Variants in SLC4A10 observed in about 807,000 individuals in gnomAD.
SLC4A10 encodes solute carrier family 4 member 10.
In SLC4A10, 42 loss-of-function variants were observed where a neutral mutation model predicts 137.7. That is an observed-to-expected ratio of 0.30 (90% CI 0.24 to 0.39). The LOEUF (loss-of-function observed/expected upper bound fraction) is 0.39. SLC4A10 is among the 10% of genes least tolerant of loss of function. The pLI is 1.00. For missense variants in SLC4A10, 925 were observed against 1,355.0 expected (o/e 0.68, Z 4.98); for synonymous variants, 474 against 464.1 (o/e 1.02, Z -0.27).
At chr2:161,684,382 C>T (rs1033213589) in intron 1 of SLC4A10, among the ~76,000 whole-genome samples, 2 of 152,008 alleles carry the variant, frequency 1.3e-5, no homozygotes, top group African/African-American at 4.8e-5. Context: ...TTTTCATATT[C>T]CCTTTTCTAG....
At chr2:161,949,928 T>C (rs922523221) in intron 18 of SLC4A10, among the ~76,000 whole-genome samples, 1 of 151,792 alleles carries the variant, frequency 6.6e-6, no homozygotes, top group East Asian at 1.9e-4. Context: ...GCTCAAAAGT[T>C]TCAGATTTTG....
chr2:161,893,138 G>A (rs1353490801), intron 10 of SLC4A10, among the ~76,000 whole-genome samples: 1 of 152,024 alleles, frequency 6.6e-6, no homozygotes, highest in African/African-American at 2.4e-5. Flanking sequence ...GTACACCCAA[G>A]TAGAATATAC....
intron 1 of SLC4A10, among the ~76,000 whole-genome samples, chr2:161,707,854 G>A (rs1248812663): frequency 6.6e-6 from 1 of 151,384 alleles, no homozygotes; most frequent in East Asian, 1.9e-4. Context: ...AAATTAAAAG[G>A]TGAATATGTA....
intron 2 of SLC4A10, among the ~76,000 whole-genome samples, chr2:161,781,399 T>G (rs1017997342): frequency 2.0e-5 from 3 of 152,146 alleles, no homozygotes; most frequent in East Asian, 3.9e-4. Context: ...AATATTCAAC[T>G]TGTGTGTACA....
intron 1 of SLC4A10, among the ~76,000 whole-genome samples, chr2:161,761,571 A>G (rs1176249287): frequency 6.6e-6 from 1 of 152,062 alleles, no homozygotes; most frequent in Non-Finnish European, 1.5e-5. Flanking sequence ...AGAATTAAAA[A>G]CAAGCAAACC....
chr2:161,667,698 T>C (rs2039220408), intron 1 of SLC4A10, among the ~76,000 whole-genome samples: 1 of 151,710 alleles, frequency 6.6e-6, no homozygotes, highest in Admixed American at 6.6e-5. Flanking sequence ...TATGTGTGTG[T>C]GTATACTGCC....
chr2:161,837,390 T>A (rs1225760842), intron 3 of SLC4A10, among the ~76,000 whole-genome samples: 1 of 152,082 alleles, frequency 6.6e-6, no homozygotes, highest in Non-Finnish European at 1.5e-5. Context: ...AGGTAGAAGA[T>A]CTGTGTTCTG....
intron 4 of SLC4A10, among the ~76,000 whole-genome samples, chr2:161,846,352 G>C (rs1320242041): frequency 6.6e-6 from 1 of 152,118 alleles, no homozygotes; most frequent in Non-Finnish European, 1.5e-5. Flanking sequence ...GAAAAAACTA[G>C]ATCTTTCATA....
intron 15 of SLC4A10, among the ~76,000 whole-genome samples, chr2:161,937,020 T>C (rs1039718656): frequency 6.6e-6 from 1 of 152,218 alleles, no homozygotes; most frequent in Non-Finnish European, 1.5e-5. Flanking sequence ...AAGTATTTGT[T>C]TTTGGCAAGT....
At chr2:161,680,098 G>C (rs533464290) in intron 1 of SLC4A10, among the ~76,000 whole-genome samples, 1 of 151,928 alleles carries the variant, frequency 6.6e-6, no homozygotes, top group African/African-American at 2.4e-5. Context: ...ATGAAGGTTC[G>C]CTTCATCTAG....
rs1574880678 is a variant in SLC4A10 at position 161,771,010 on chromosome 2, C to A, written c.86C>A (p.Thr29Asn). 1 of 1,606,202 alleles carries A rather than the reference C, an allele frequency of 6.2e-7. No homozygotes were observed. Among genetic ancestry groups the A allele is most frequent in the South Asian group, 1.1e-5 (1 of 89,698 alleles). Residue 29 changes from threonine (T) to asparagine (N), a missense_variant, in exon 2 of 27, where the codon ACT becomes AAT. Thr to Asn is a moderately conservative substitution (Grantham distance 65). Around this residue, in one of 11 missense-constraint regions of SLC4A10, gnomAD observed 138 missense variants for 171.3 expected, o/e 0.81. Coordinates refer to ENST00000446997, the MANE Select transcript of SLC4A10 (RefSeq NM_001178015.2). ...DEEAVVDRGG[T>N]RSILKTHFEK... ...GAAGCAGTTGTGGATAGAGGTGGAA[C>A]TCGTTCTATTCTCAAAACACACTTT...
intron 1 of SLC4A10, among the ~76,000 whole-genome samples, chr2:161,765,978 T>C (rs1227271009): frequency 6.6e-6 from 1 of 152,156 alleles, no homozygotes; most frequent in Non-Finnish European, 1.5e-5. Flanking sequence ...TCTTTCAAAC[T>C]GTAACAAAAG....
At chr2:161,886,668 A>T (rs2062323901) in intron 10 of SLC4A10, among the ~76,000 whole-genome samples, 1 of 151,854 alleles carries the variant, frequency 6.6e-6, no homozygotes, top group Admixed American at 6.6e-5. Context: ...AGTCTCTGAG[A>T]TTTTTTTTAA....
At chr2:161,950,310 A>C (rs541400331) in intron 18 of SLC4A10, among the ~76,000 whole-genome samples, 9 of 152,252 alleles carry the variant, frequency 5.9e-5, no homozygotes, top group African/African-American at 2.2e-4. Context: ...AATAGTAAAT[A>C]GTAAATATTA....
At chr2:161,930,547 T>C (rs567836005) in intron 15 of SLC4A10, among the ~76,000 whole-genome samples, 14 of 149,784 alleles carry the variant, frequency 9.3e-5, no homozygotes, top group South Asian at 6.3e-4. Flanking sequence ...TATATTAATT[T>C]ATATTATAAT....
intron 2 of SLC4A10, among the ~76,000 whole-genome samples, chr2:161,790,133 A>C (rs2054048171): frequency 6.6e-6 from 1 of 152,216 alleles, no homozygotes; most frequent in Non-Finnish European, 1.5e-5. Flanking sequence ...TAAAAAGTTG[A>C]GAATATTCTA....
intron 1 of SLC4A10, among the ~76,000 whole-genome samples, chr2:161,769,453 G>A (rs995527972): frequency 6.6e-6 from 1 of 151,916 alleles, no homozygotes; most frequent in African/African-American, 2.4e-5. Flanking sequence ...GCAGTGGGGG[G>A]TAAGCTAATG....
intron 2 of SLC4A10, among the ~76,000 whole-genome samples, chr2:161,797,613 C>A (rs950289683): frequency 1.3e-5 from 2 of 151,420 alleles, no homozygotes; most frequent in African/African-American, 4.9e-5. Flanking sequence ...TTATAATATA[C>A]CAAAATTGGG....
chr2:161,887,151 G>A (rs55746961), intron 10 of SLC4A10, among the ~76,000 whole-genome samples: 12,997 of 152,088 alleles, frequency 0.085, 1,161 homozygotes, highest in African/African-American at 0.23. Flanking sequence ...ATACTATTCC[G>A]TGGTGTATAT....
Sources: gnomAD v4.1 joint callset for allele counts (sites outside exome capture counted in the v4.1 genomes callset) on GRCh38, gnomAD v4.1.1 for gene constraint, gnomAD v4.1.1 regional missense constraint, MANE v1.5 for transcripts, NCBI Gene and HGNC (gene_info 2026-07-23, HGNC 2026-07-21) for gene names.